Variants in ATP2C1 observed in about 807,000 individuals in gnomAD.
ATP2C1 encodes the protein calcium-transporting ATPase type 2C member 1.
In ATP2C1, 31 loss-of-function variants were observed where a neutral mutation model predicts 120.5. The ratio of observed to expected loss-of-function variants is 0.26; its 90% CI spans 0.19 to 0.35. The LOEUF (loss-of-function observed/expected upper bound fraction) is 0.35, where lower values mean the gene tolerates loss of function less well. Ranked by LOEUF, ATP2C1 falls within the 10% of genes least tolerant of loss-of-function variation. The pLI is 1.00. For synonymous variants in ATP2C1, 351 were observed against 358.7 expected (o/e 0.98, Z 0.24); for missense variants, 731 against 1,107.5 (o/e 0.66, Z 4.83).
At chr3:130,895,365 GT>G (rs2069520517) in intron 2 of ATP2C1, among the ~76,000 whole-genome samples, 1 of 152,224 alleles carries the variant, frequency 6.6e-6, no homozygotes, top group Non-Finnish European at 1.5e-5. Context: ...AGCGGAACCT[GT>G]TTGTTCACTG....
chr3:130,967,455 A>G, intron 16 of ATP2C1, 36 bp downstream of exon 16: 2 of 1,541,976 alleles, frequency 1.3e-6, no homozygotes, highest in East Asian at 4.5e-5. Context: ...GACATTTGAG[A>G]CACTGCCCTC....
intron 25 of ATP2C1, among the ~76,000 whole-genome samples, chr3:130,998,071 CTAATA>C (rs1560033134): frequency 6.6e-6 from 1 of 151,654 alleles, no homozygotes; most frequent in Admixed American, 6.6e-5. Context: ...ATTTTAATAT[CTAATA>C]CATAGTTCAT....
chr3:130,969,479 T>G lies in ATP2C1; in HGVS notation c.1413+83T>G. ...ATTTACTGTCCACCTTTGGGTTTAG[T>G]CATTGTACATAATAAAGACTTGTTG... On this transcript the variant is annotated intron_variant, in intron 17 of 27. Transcript: ENST00000510168. 3 of 1,006,828 alleles carry G rather than the reference T, an allele frequency of 3.0e-6. No individual in the cohort carries two copies. The Admixed American group carries it at 5.7e-5, about 19-fold the overall frequency. The allele number at this position is 1,006,828 out of a possible 1,614,324, so 62.4% of individuals were successfully genotyped here. A position where few individuals can be genotyped will look rare whatever the true frequency, so the allele number is the denominator to read the frequency against.
intron 8 of ATP2C1, among the ~76,000 whole-genome samples, chr3:130,943,918 T>G (rs1184466003): frequency 6.6e-6 from 1 of 152,220 alleles, no homozygotes; most frequent in Non-Finnish European, 1.5e-5. Flanking sequence ...GAAAGTAAAT[T>G]GGCTTATTGG....
intron 8 of ATP2C1, among the ~76,000 whole-genome samples, chr3:130,942,037 G>A (rs1203943556): frequency 1.3e-5 from 2 of 152,164 alleles, no homozygotes; most frequent in Admixed American, 1.3e-4. Flanking sequence ...CAGTAATTGA[G>A]TAAGAGAAGT....
Position 130,953,908 on chromosome 3 carries a change from A to G in ATP2C1, c.619A>G (p.Asn207Asp), listed in dbSNP as rs1339328660. The part of the protein sequence containing the change: ...KVTAPQPAAT[N>D]GDLASRSNIA... ...GACAGCTCCTCAGCCAGCTGCAACT[A>G]ATGGAGATCTTGCATCGAGAAGTAA... The change falls in exon 9 of 28, where the codon AAT becomes GAT. Residue 207 changes from asparagine (N) to aspartate (D), a missense_variant. Around this residue, in one of 3 missense-constraint regions of ATP2C1, gnomAD observed 571 missense variants for 845.9 expected, o/e 0.67. Transcript: ENST00000510168. 2.5e-6 allele frequency: 4 copies of G among 1,614,076 alleles called. No homozygotes were observed. The highest frequency in any genetic ancestry group is 3.4e-6 in the Non-Finnish European group (4 of 1,179,944).
chr3:130,968,257 A>G (rs1440955248), intron 16 of ATP2C1, among the ~76,000 whole-genome samples: 1 of 152,218 alleles, frequency 6.6e-6, no homozygotes, highest in Non-Finnish European at 1.5e-5. Flanking sequence ...TCCGTTATCA[A>G]GTATTTCCTG....
At chr3:130,913,637 A>G (rs1373226691) in intron 2 of ATP2C1, among the ~76,000 whole-genome samples, 1 of 152,162 alleles carries the variant, frequency 6.6e-6, no homozygotes, top group Non-Finnish European at 1.5e-5. Context: ...GTATGGGGGA[A>G]GAGGGGAGGT....
At chr3:130,921,375 C>T (rs1018565419) in intron 2 of ATP2C1, among the ~76,000 whole-genome samples, 1 of 152,068 alleles carries the variant, frequency 6.6e-6, no homozygotes, top group African/African-American at 2.4e-5. Context: ...GGCCACTGTG[C>T]CTGGCCCAAA....
At chr3:130,893,580 G>C (rs1235778899), upstream of ATP2C1, among the ~76,000 whole-genome samples, 1 of 152,210 alleles carries the variant, frequency 6.6e-6, no homozygotes, top group South Asian at 2.1e-4. Context: ...TCCTTCCGTG[G>C]GCCTCAACGT....
At chr3:131,016,117 T>A in intron 26 of ATP2C1, 1 of 1,611,618 alleles carries the variant, frequency 6.2e-7, no homozygotes, top group East Asian at 2.2e-5. Flanking sequence ...TGCTTCCATC[T>A]GAACTAAAGT....
chr3:130,964,738 GTCA>G (rs1425579607), intron 13 of ATP2C1, among the ~76,000 whole-genome samples: 1 of 151,488 alleles, frequency 6.6e-6, no homozygotes, highest in East Asian at 1.9e-4. Flanking sequence ...ATAAGAACAT[GTCA>G]TCATCTAATT....
chr3:130,878,697 A>G (rs1264938712), intron 1 of ATP2C1, among the ~76,000 whole-genome samples: 1 of 152,160 alleles, frequency 6.6e-6, no homozygotes, highest in Non-Finnish European at 1.5e-5. Context: ...AGCACTTTGA[A>G]TATATTATCC....
chr3:130,982,299 A>C (rs1355432973), intron 20 of ATP2C1, among the ~76,000 whole-genome samples: 1 of 152,230 alleles, frequency 6.6e-6, no homozygotes, highest in Non-Finnish European at 1.5e-5. Context: ...AATACTTTTT[A>C]ACTTTTGATT....
At chr3:130,952,426 T>A (rs1291657995) in intron 8 of ATP2C1, among the ~76,000 whole-genome samples, 1 of 152,166 alleles carries the variant, frequency 6.6e-6, no homozygotes, top group Non-Finnish European at 1.5e-5. Context: ...TACGTGAGGT[T>A]ATTTGAGGTT....
rs772412070 is a variant in ATP2C1, at chr3:130,955,097, T to C, written c.756+17T>C. Reference sequence around the variant, plus strand: ...GCAGAAGAGGTGAGTACTTAATATGTTAATGATGTATTTGTTCCAAATCTG... The same window carrying C: ...GCAGAAGAGGTGAGTACTTAATATGCTAATGATGTATTTGTTCCAAATCTG... On this transcript the variant is annotated intron_variant, in intron 10 of 27. Transcript: ENST00000510168. The C allele has an allele frequency of 1.1e-5, 17 of 1,530,700 alleles. No individual in the cohort carries two copies. The highest frequency in any genetic ancestry group is 9.1e-7 in the Non-Finnish European group (1 of 1,104,572). 94.8% of individuals were successfully genotyped at this position (1,530,700 alleles called of 1,614,324 possible).
At chr3:130,909,803 T>C (rs2058305573) in intron 2 of ATP2C1, among the ~76,000 whole-genome samples, 1 of 152,094 alleles carries the variant, frequency 6.6e-6, no homozygotes, top group Admixed American at 6.5e-5. Context: ...TGTAGAGCCT[T>C]AGCATCTGGT....
chr3:130,972,793 C>T (rs1001498295), intron 17 of ATP2C1, among the ~76,000 whole-genome samples: 111 of 151,576 alleles, frequency 7.3e-4, no homozygotes, highest in Admixed American at 1.3e-3. Context: ...AGGACATGAA[C>T]TCATCATTTT....
chr3:130,949,714 G>A (rs546890482), intron 8 of ATP2C1, among the ~76,000 whole-genome samples: 40 of 152,112 alleles, frequency 2.6e-4, no homozygotes, highest in Non-Finnish European at 4.6e-4. Context: ...TTCATATATC[G>A]TTTTCAGTAA....
Sources: gnomAD v4.1 joint callset for allele counts (sites outside exome capture counted in the v4.1 genomes callset) on GRCh38, gnomAD v4.1.1 for gene constraint, gnomAD v4.1.1 regional missense constraint, MANE v1.5 for transcripts, NCBI Gene and HGNC (gene_info 2026-07-23, HGNC 2026-07-21) for gene names.